Variants in CRACR2A observed in about 807,000 individuals in gnomAD.
The protein encoded by CRACR2A is calcium release activated channel regulator 2A, also known as EF-hand calcium-binding domain-containing protein 4B.
Under a neutral mutation model 90.5 loss-of-function variants are expected in CRACR2A, and 79 were observed. That is an observed-to-expected ratio of 0.87 (90% CI 0.73 to 1.05). The LOEUF (loss-of-function observed/expected upper bound fraction) is 1.05. Ranked by LOEUF, CRACR2A falls within the 50% of genes least tolerant of loss-of-function variation. The pLI, the probability that CRACR2A is intolerant of heterozygous loss-of-function variation, is 0.00. For missense variants in CRACR2A, 823 were observed against 897.2 expected, an observed-to-expected ratio of 0.92 and a Z score of 1.06; for synonymous variants, 338 against 356.7, an observed-to-expected ratio of 0.95 and a Z score of 0.59.
intron 4 of CRACR2A, 114 bp downstream of exon 4, chr12:3,696,658 A>C: frequency 6.9e-7 from 1 of 1,448,514 alleles, no homozygotes; most frequent in Non-Finnish European, 9.4e-7. Flanking sequence ...TCCAAGACAG[A>C]ACTGGTGGCA....
At chr12:3,622,208 A>G (rs890106363) in intron 17 of CRACR2A, among the ~76,000 whole-genome samples, 2 of 152,194 alleles carry the variant, frequency 1.3e-5, no homozygotes, top group Non-Finnish European at 2.9e-5. Context: ...GGTCTACTCA[A>G]ACTCTGTTGT....
rs558436305 is a variant in CRACR2A at position 3,627,580 on chromosome 12, G to A, written c.1818-30C>T. The stretch of plus-strand genomic sequence containing the variant: ...CACAGAAGGGCCACGGGTCAGGCAT[G>A]CACGGCCTTCCCTCTGGAGCCCAGA... On this transcript the variant is annotated intron_variant, in intron 16 of 19. Coordinates refer to ENST00000440314, the MANE Select transcript of CRACR2A (RefSeq NM_001144958.2). 1.2e-5 allele frequency: 19 copies of A among 1,550,962 alleles called. No homozygotes were observed. In the South Asian group the frequency reaches 1.3e-4, roughly 11 times the overall value.
chr12:3,719,296 T>G (rs1946123271), intron 2 of CRACR2A, among the ~76,000 whole-genome samples: 1 of 152,226 alleles, frequency 6.6e-6, no homozygotes, highest in Non-Finnish European at 1.5e-5. Flanking sequence ...ATGTCACCGC[T>G]GATGTCCTAA....
At chr12:3,693,408 C>T (rs73049158) in intron 4 of CRACR2A, among the ~76,000 whole-genome samples, 14,950 of 152,266 alleles carry the variant, frequency 0.098, 830 homozygotes, top group African/African-American at 0.13. Context: ...TGGACAAGAC[C>T]GCCCTGCAGA....
intron 1 of CRACR2A, among the ~76,000 whole-genome samples, chr12:3,747,197 C>T (rs907918255): frequency 6.6e-6 from 1 of 152,138 alleles, no homozygotes; most frequent in Non-Finnish European, 1.5e-5. Context: ...GCTGTGTGAC[C>T]CTGGAAAAGT....
At chr12:3,692,268 G>A (rs1291672372) in intron 4 of CRACR2A, among the ~76,000 whole-genome samples, 1 of 152,166 alleles carries the variant, frequency 6.6e-6, no homozygotes, top group Non-Finnish European at 1.5e-5. Flanking sequence ...TTTGTGGGCT[G>A]ATGTTTCTTT....
chr12:3,626,981 C>T (rs1159765233), intron 17 of CRACR2A, among the ~76,000 whole-genome samples: 1 of 152,100 alleles, frequency 6.6e-6, no homozygotes, highest in East Asian at 1.9e-4. Context: ...GGTGTGGCTC[C>T]CGGGCAGGGC....
intron 2 of CRACR2A, among the ~76,000 whole-genome samples, chr12:3,720,527 T>C (rs114322962): frequency 0.012 from 1,816 of 152,310 alleles, 42 homozygotes; most frequent in African/African-American, 0.041. Context: ...CAGGCTCTTG[T>C]GCCTGCCACA....
At chr12:3,665,182 A>G (rs1250835749) in intron 7 of CRACR2A, among the ~76,000 whole-genome samples, 1 of 152,246 alleles carries the variant, frequency 6.6e-6, no homozygotes, top group African/African-American at 2.4e-5. Flanking sequence ...AGTGGAAGAG[A>G]AGGACAAAGA....
chr12:3,672,013 A>G (rs889368815), intron 7 of CRACR2A, among the ~76,000 whole-genome samples: 5 of 152,108 alleles, frequency 3.3e-5, no homozygotes, highest in African/African-American at 4.8e-5. Context: ...ATAAAAATAT[A>G]CCCTTTAATC....
Position 3,667,857 on chromosome 12 carries a change from A to G in CRACR2A, c.671+5589T>C, listed in dbSNP as rs573895604. On this transcript the variant is annotated intron_variant, in intron 7 of 19. Coordinates refer to ENST00000440314, the MANE Select transcript of CRACR2A (RefSeq NM_001144958.2). Reference sequence around the variant, plus strand: ...CACACGTGGGCGCATGCACGTGCACACACATACATGCATGATTAGAGTAGA... The same window carrying G: ...CACACGTGGGCGCATGCACGTGCACGCACATACATGCATGATTAGAGTAGA... Among the ~76,000 whole-genome samples the G allele has an allele frequency of 2.0e-5, 3 of 152,360 alleles. No individual in the cohort carries two copies. In the South Asian group the frequency reaches 6.2e-4, roughly 32 times the overall value.
In CRACR2A at chr12:3,659,040, A is replaced by G. The variant is rs186874447; in HGVS notation, c.762+524T>C. On this transcript the variant is annotated intron_variant, in intron 8 of 19. Coordinates refer to ENST00000440314, the MANE Select transcript of CRACR2A (RefSeq NM_001144958.2). ...TTTTTTCTTGGCTATTAAATTTTCC[A>G]TGTGTCTAAGGGTAAAGGATAGGTA... Among the ~76,000 whole-genome samples the G allele has an allele frequency of 5.3e-3, 800 of 152,246 alleles. 5 individuals carry two copies. Among genetic ancestry groups the G allele is most frequent in the Middle Eastern group, 0.031 (9 of 294 alleles).
Position 3,713,239 on chromosome 12 carries a change from T to G in CRACR2A, c.-39A>C. 1 of 985,400 alleles carries G rather than the reference T, an allele frequency of 1.0e-6. No homozygotes were observed. The highest frequency in any genetic ancestry group is 1.2e-6 in the Non-Finnish European group (1 of 829,958). The allele number at this position is 985,400 out of a possible 1,614,324, so 61.0% of individuals were successfully genotyped here. A position where few individuals can be genotyped will look rare whatever the true frequency, so the allele number is the denominator to read the frequency against. On this transcript the variant is annotated splice_region_variant and 5_prime_UTR_variant, in exon 3 of 20. Transcript: ENST00000440314. Reference sequence around the variant, plus strand: ...TCGCCTTTTGTTCGCTCACTCACCTTGCAGCTCCCGGCTCCTCGGAGGACC... The same window carrying G: ...TCGCCTTTTGTTCGCTCACTCACCTGGCAGCTCCCGGCTCCTCGGAGGACC...
rs552626565 is a variant in CRACR2A, at chr12:3,720,515, G to A, written c.-117-7198C>T. Among the ~76,000 whole-genome samples the A allele has an allele frequency of 4.3e-4, 65 of 152,158 alleles. No homozygotes were observed. The South Asian group carries it at 6.6e-3, about 16-fold the overall frequency. On this transcript the variant is annotated intron_variant, in intron 2 of 19. Coordinates refer to ENST00000440314, the MANE Select transcript of CRACR2A (RefSeq NM_001144958.2). The stretch of plus-strand genomic sequence containing the variant: ...AAAAATGGAGGGTACTTAATACACC[G>A]CCAGGCTCTTGTGCCTGCCACAGGT...
chr12:3,712,319 T>C (rs1414916559), intron 3 of CRACR2A, among the ~76,000 whole-genome samples: 2 of 152,126 alleles, frequency 1.3e-5, no homozygotes, highest in Non-Finnish European at 2.9e-5. Context: ...GACTGGGTAA[T>C]TTAAGAAGAA....
chr12:3,620,374 C>T (rs1271177545), intron 17 of CRACR2A, among the ~76,000 whole-genome samples: 1 of 152,172 alleles, frequency 6.6e-6, no homozygotes, highest in Non-Finnish European at 1.5e-5. Context: ...ATAACAGAAG[C>T]TAATAAGCAG....
intron 2 of CRACR2A, among the ~76,000 whole-genome samples, chr12:3,722,916 C>T (rs1193056590): frequency 6.6e-6 from 1 of 152,200 alleles, no homozygotes; most frequent in African/African-American, 2.4e-5. Context: ...TAAATAGGTA[C>T]TCTTCATCTA....
chr12:3,626,786 A>C (rs1944270236), intron 17 of CRACR2A, among the ~76,000 whole-genome samples: 1 of 152,086 alleles, frequency 6.6e-6, no homozygotes, highest in Non-Finnish European at 1.5e-5. Flanking sequence ...GCATGTACAA[A>C]ACGACATACT....
chr12:3,723,670 C>T (rs1007373594), intron 2 of CRACR2A, among the ~76,000 whole-genome samples: 6 of 152,024 alleles, frequency 3.9e-5, no homozygotes, highest in African/African-American at 1.4e-4. Context: ...GAGGCCAGGC[C>T]TTTCTCTCTC....
Sources: allele counts gnomAD v4.1 joint callset (sites outside exome capture counted in the v4.1 genomes callset), GRCh38; gene constraint gnomAD v4.1.1; transcripts MANE v1.5; gene names NCBI Gene and HGNC (gene_info 2026-07-23, HGNC 2026-07-21).